MEIS2: variants seen among roughly 807,000 people sequenced by gnomAD.
MEIS2 encodes the protein homeobox protein Meis2.
A neutral mutation model predicts 58.6 loss-of-function variants in MEIS2; 9 were observed. That is an observed-to-expected ratio of 0.15 (90% confidence interval 0.09 to 0.27). The LOEUF is 0.27. MEIS2 is among the 10% of genes least tolerant of loss of function. MEIS2 has a pLI of 1.00. For synonymous variants in MEIS2, 221 were observed against 228.4 expected (o/e 0.97, Z 0.29); for missense variants, 427 against 635.0 (o/e 0.67, Z 3.52).
chr15:37,047,811 A>T (rs1018675023), intron 7 of MEIS2, among the ~76,000 whole-genome samples: 7 of 152,204 alleles, frequency 4.6e-5, no homozygotes, highest in African/African-American at 1.7e-4. Context: ...TGCAAATAAC[A>T]ATTTTGGCAC....
At chr15:37,100,737 G>A (rs889176901), upstream of MEIS2, among the ~76,000 whole-genome samples, 17 of 151,192 alleles carry the variant, frequency 1.1e-4, no homozygotes, top group African/African-American at 4.1e-4. Context: ...GCGTGCGCGC[G>A]TGTGTGTTGC....
intron 6 of MEIS2, among the ~76,000 whole-genome samples, chr15:37,090,972 C>T (rs1459620018): frequency 6.6e-6 from 1 of 152,176 alleles, no homozygotes; most frequent in Non-Finnish European, 1.5e-5. Flanking sequence ...GGCTCATCAT[C>T]ACCCCTGCAC....
At chr15:36,976,147 C>T (rs923113791) in intron 8 of MEIS2, among the ~76,000 whole-genome samples, 40 of 151,994 alleles carry the variant, frequency 2.6e-4, no homozygotes, top group African/African-American at 8.5e-4. Context: ...TGCAGTGGCG[C>T]GATCTCGGCT....
chr15:36,896,717 T>C (rs1462132542), intron 9 of MEIS2, 31 bp from the exon 10 acceptor site: 6 of 1,591,112 alleles, frequency 3.8e-6, no homozygotes, highest in Non-Finnish European at 5.2e-6. Context: ...CCAGTCATCA[T>C]ACTCCGTTTC....
chr15:37,001,238 C>T (rs11855148), intron 8 of MEIS2, among the ~76,000 whole-genome samples: 122,168 of 151,956 alleles, frequency 0.8, 50,364 homozygotes, highest in Middle Eastern at 0.91. Context: ...CTAGCTGCTG[C>T]CATTCCTAAG....
At chr15:37,014,688 A>T (rs139881335) in intron 8 of MEIS2, among the ~76,000 whole-genome samples, 1 of 152,308 alleles carries the variant, frequency 6.6e-6, no homozygotes, top group Non-Finnish European at 1.5e-5. Context: ...GTTTGGTAAC[A>T]CAAAGTCCAG....
rs557978968 is a variant in MEIS2, at chr15:36,990,089, C to T, written c.901-39689G>A. 3.6e-3 allele frequency among the ~76,000 whole-genome samples: 549 copies of T among 152,168 alleles called. 2 individuals are homozygous for T. The highest frequency in any genetic ancestry group is 6.0e-3 in the Admixed American group (91 of 15,264). ...CCTCCCAAGTAGCTGGGACTACAGG[C>T]GCCCGCCACCACGCCCAGCTAAATT... On this transcript the variant is annotated intron_variant, in intron 8 of 11. Transcript: ENST00000561208.
chr15:36,935,093 G>A lies in MEIS2; in HGVS notation c.977+15231C>T, dbSNP rs533715122. On this transcript the variant is annotated intron_variant, in intron 9 of 11. Coordinates refer to ENST00000561208, the MANE Select transcript of MEIS2 (RefSeq NM_170675.5). Reference sequence around the variant, plus strand: ...AGTCCAAGGTCACAGATTCAGTATGGTAGTGGGAGCCACTTAGCTGGTTGT... The same window carrying A: ...AGTCCAAGGTCACAGATTCAGTATGATAGTGGGAGCCACTTAGCTGGTTGT... Among the ~76,000 whole-genome samples the A allele has an allele frequency of 5.9e-5, 9 of 152,192 alleles. No homozygotes were observed. The South Asian group carries it at 1.7e-3, about 28-fold the overall frequency.
intron 7 of MEIS2, among the ~76,000 whole-genome samples, chr15:37,052,789 A>G (rs2062977542): frequency 6.6e-6 from 1 of 152,240 alleles, no homozygotes; most frequent in Admixed American, 6.5e-5. Context: ...TGCTTTATAA[A>G]AATATCTTCT....
intron 8 of MEIS2, among the ~76,000 whole-genome samples, chr15:36,989,110 T>A (rs2060186718): frequency 6.6e-6 from 1 of 152,214 alleles, no homozygotes; most frequent in Non-Finnish European, 1.5e-5. Flanking sequence ...CTTCTTATCT[T>A]CAGTGCTTGA....
chr15:36,931,777 G>A (rs1429266121), intron 9 of MEIS2, among the ~76,000 whole-genome samples: 1 of 152,132 alleles, frequency 6.6e-6, no homozygotes, highest in East Asian at 1.9e-4. Flanking sequence ...TTCTCTAAGT[G>A]CCTCTAAATT....
At chr15:36,970,296 C>T (rs1361725456) in intron 8 of MEIS2, among the ~76,000 whole-genome samples, 8 of 151,232 alleles carry the variant, frequency 5.3e-5, no homozygotes, top group Non-Finnish European at 7.4e-5. Flanking sequence ...CCCAGCTACT[C>T]GGGAGGCTGA....
intron 8 of MEIS2, among the ~76,000 whole-genome samples, chr15:36,970,847 A>G (rs1432933264): frequency 1.3e-5 from 2 of 152,234 alleles, no homozygotes; most frequent in Non-Finnish European, 2.9e-5. Flanking sequence ...GCTTTAGGTT[A>G]AGGTGGCTGC....
chr15:36,952,904 T>G (rs112045240), intron 8 of MEIS2, among the ~76,000 whole-genome samples: 2 of 152,252 alleles, frequency 1.3e-5, no homozygotes, highest in African/African-American at 4.8e-5. Flanking sequence ...TGAAGGCAGT[T>G]GCAAATTCCA....
intron 8 of MEIS2, among the ~76,000 whole-genome samples, chr15:36,955,469 C>T (rs1166070274): frequency 6.6e-6 from 1 of 152,130 alleles, no homozygotes; most frequent in East Asian, 1.9e-4. Context: ...AAAAATTAGA[C>T]ATAAGTTCTC....
At chr15:37,057,497 A>C (rs185665832) in intron 7 of MEIS2, among the ~76,000 whole-genome samples, 1 of 152,276 alleles carries the variant, frequency 6.6e-6, no homozygotes, top group Admixed American at 6.5e-5. Context: ...CTGAACCCAA[A>C]CCAAGGTAAA....
At chr15:36,965,192 T>G (rs992618109) in intron 8 of MEIS2, among the ~76,000 whole-genome samples, 2 of 152,216 alleles carry the variant, frequency 1.3e-5, no homozygotes, top group Non-Finnish European at 2.9e-5. Context: ...TCTTCATTCT[T>G]ATTCTTCATA....
intron 9 of MEIS2, among the ~76,000 whole-genome samples, chr15:36,936,284 TC>T (rs1327217502): frequency 5.0e-5 from 3 of 60,196 alleles, no homozygotes; most frequent in East Asian, 3.1e-4. Context: ...AAGCTCCGCC[TC>T]CCGGGGTTCA....
chr15:36,967,338 A>T (rs547261812), intron 8 of MEIS2, among the ~76,000 whole-genome samples: 3 of 152,192 alleles, frequency 2.0e-5, no homozygotes, highest in African/African-American at 7.2e-5. Context: ...GTGAGATAGG[A>T]TGCAAAAAAG....
Sources: allele counts gnomAD v4.1 joint callset (sites outside exome capture counted in the v4.1 genomes callset), GRCh38; gene constraint gnomAD v4.1.1; transcripts MANE v1.5; gene names NCBI Gene and HGNC (gene_info 2026-07-23, HGNC 2026-07-21).